Variants in AIMP2 observed in about 807,000 individuals in gnomAD.
The protein encoded by AIMP2 is aminoacyl tRNA synthetase complex interacting multifunctional protein 2, also known as aminoacyl tRNA synthase complex-interacting multifunctional protein 2.
A neutral mutation model predicts 23.4 loss-of-function variants in AIMP2; 20 were observed. The observed-to-expected ratio is 0.85, with a 90% CI of 0.60 to 1.24. The LOEUF (loss-of-function observed/expected upper bound fraction) is 1.24, where lower values mean the gene tolerates loss of function less well. Ranked by LOEUF, AIMP2 falls within the 50% of genes most tolerant of loss-of-function variation. The probability of loss-of-function intolerance (pLI) is 0.00; values close to 1 mark genes in which losing one functional copy is unlikely to be tolerated. For missense variants in AIMP2, 515 were observed against 414.5 expected (o/e 1.24, Z -2.10); for synonymous variants, 210 against 170.4 (o/e 1.23, Z -1.81).
In AIMP2 at chr7:6,014,999, C is replaced by T. The variant is rs1171362365; in HGVS notation, c.136-147C>T. Reference sequence around the variant, plus strand: ...CCTCCCGAAGTGCTGGGATTACAGGCGTGAGCCACCACACCCAGCCCATAA... The same window carrying T: ...CCTCCCGAAGTGCTGGGATTACAGGTGTGAGCCACCACACCCAGCCCATAA... On this transcript the variant is annotated intron_variant, in intron 1 of 3. Transcript: ENST00000223029. 6.0e-6 allele frequency: 9 copies of T among 1,494,274 alleles called. No homozygotes were observed. In the African/African-American group the frequency reaches 8.3e-5, roughly 14 times the overall value. The allele number at this position is 1,494,274 out of a possible 1,614,324, so 92.6% of individuals were successfully genotyped here.
rs777224660 is a variant in AIMP2, at chr7:6,009,425, C to T, written c.62C>T (p.Pro21Leu). Reference sequence around the variant, plus strand: ...GGCGCGCCTCTCCGTGTGGAGCTTCCCACCTGCATGTACCGGCTCCCCAAC... The same window carrying T: ...GGCGCGCCTCTCCGTGTGGAGCTTCTCACCTGCATGTACCGGCTCCCCAAC... The part of the protein sequence containing the change: ...GGGAPLRVEL[P>L]TCMYRLPNVH... The change falls in exon 1 of 4, where the codon CCC becomes CTC. Residue 21 changes from proline to leucine, a missense_variant. Coordinates refer to ENST00000223029, the MANE Select transcript of AIMP2 (RefSeq NM_006303.4). The T allele has an allele frequency of 6.2e-7, 1 of 1,611,454 alleles. No individual in the cohort carries two copies. The highest frequency in any genetic ancestry group is 1.3e-5 in the African/African-American group (1 of 74,998).
chr7:6,013,893 G>A (rs933414895), intron 1 of AIMP2, among the ~76,000 whole-genome samples: 4 of 150,606 alleles, frequency 2.7e-5, no homozygotes, highest in Admixed American at 2.0e-4. Context: ...CAAGGCTGCA[G>A]TGGGCCATGA....
In AIMP2 at chr7:6,009,468, C is replaced by A. The variant is rs529613640; in HGVS notation, c.105C>A (p.Tyr35Ter). The A allele has an allele frequency of 2.5e-6, 4 of 1,590,062 alleles. No individual in the cohort carries two copies. In the South Asian group the frequency reaches 3.4e-5, roughly 13 times the overall value. The change falls in exon 1 of 4, where the codon TAC becomes TAA. Residue 35 changes from tyrosine to a stop codon, truncating the protein, a stop_gained. Transcript: ENST00000223029. LOFTEE classifies it high-confidence loss of function. ...YRLPNVHGRS[Y>*]GPAPGAGHVQ... is the part of the protein sequence containing the mutation. ...TCCCCAACGTGCACGGCAGGAGCTA[C>A]GGCCCAGCGCCGGGCGCTGGCCACG...
rs753779282 is a variant in AIMP2, at chr7:6,023,339, T to C, written c.611T>C (p.Met204Thr). Residue 204 changes from methionine to threonine, a missense_variant, in exon 4 of 4, where the codon ATG becomes ACG. Met to Thr is a moderately conservative substitution (Grantham distance 81). Coordinates refer to ENST00000223029, the MANE Select transcript of AIMP2 (RefSeq NM_006303.4). ...KTQMKFSIQT[M>T]CPIEGEGNIA... ...CAGATGAAATTCAGCATCCAGACGATGTGCCCCATCGAAGGCGAAGGGAAC... is the reference window on the plus strand; with the variant it reads ...CAGATGAAATTCAGCATCCAGACGACGTGCCCCATCGAAGGCGAAGGGAAC... The C allele has an allele frequency of 9.3e-6, 15 of 1,609,646 alleles. No homozygotes were observed. Among genetic ancestry groups the C allele is most frequent in the Non-Finnish European group, 1.3e-5 (15 of 1,178,704 alleles).
intron 1 of AIMP2, among the ~76,000 whole-genome samples, chr7:6,011,282 C>T (rs986266821): frequency 6.6e-6 from 1 of 152,200 alleles, no homozygotes; most frequent in Admixed American, 6.5e-5. Flanking sequence ...GCTCACCGCT[C>T]ACCAGCAGGG....
In AIMP2 at chr7:6,023,813, A is replaced by T. The variant is rs1787653837; in HGVS notation, c.*122A>T. ...TTATTTAGGCCAGTTGTCAAGTGTC[A>T]ATAAAAGCATCATGTAATTTATGGT... On this transcript the variant is annotated 3_prime_UTR_variant, in exon 4 of 4. Coordinates refer to ENST00000223029, the MANE Select transcript of AIMP2 (RefSeq NM_006303.4). The T allele has an allele frequency of 1.7e-5, 26 of 1,575,062 alleles. No homozygotes were observed. The highest frequency in any genetic ancestry group is 2.2e-5 in the Non-Finnish European group (25 of 1,159,074).
chr7:6,013,844 A>G (rs1488494945), intron 1 of AIMP2, among the ~76,000 whole-genome samples: 1 of 152,022 alleles, frequency 6.6e-6, no homozygotes, highest in Admixed American at 6.6e-5. Context: ...CCAGGCACTC[A>G]GGAGACTAAG....
chr7:6,020,363 G>A (rs1209422871), intron 3 of AIMP2, among the ~76,000 whole-genome samples: 5 of 151,720 alleles, frequency 3.3e-5, no homozygotes, highest in East Asian at 1.9e-4. Context: ...GGAGGTTGCC[G>A]TGAGCCGAGA....
chr7:6,017,377 G>C (rs961998973), intron 2 of AIMP2, among the ~76,000 whole-genome samples: 1 of 151,858 alleles, frequency 6.6e-6, no homozygotes, highest in Non-Finnish European at 1.5e-5. Flanking sequence ...AAAAAAATTA[G>C]CTGGGCATGG....
At chr7:6,014,249 GCT>G (rs1491339989) in intron 1 of AIMP2, among the ~76,000 whole-genome samples, 12 of 109,942 alleles carry the variant, frequency 1.1e-4, no homozygotes, top group African/African-American at 3.2e-4. Context: ...ATTTGTTGAA[GCT>G]TTTTTTTTTT....
chr7:6,011,222 C>A (rs991883126), intron 1 of AIMP2, among the ~76,000 whole-genome samples: 1 of 152,150 alleles, frequency 6.6e-6, no homozygotes, highest in Non-Finnish European at 1.5e-5. Flanking sequence ...GCCCGCCTGG[C>A]TTTCCACTCT....
intron 2 of AIMP2, 62 bp from the exon 3 acceptor site, chr7:6,017,752 C>G: frequency 6.8e-7 from 1 of 1,461,590 alleles, no homozygotes; most frequent in Non-Finnish European, 9.3e-7. Context: ...CTTAGACTCG[C>G]GCCCGGCACA....
At chr7:6,021,380 C>G (rs1321246576) in intron 3 of AIMP2, among the ~76,000 whole-genome samples, 3 of 148,940 alleles carry the variant, frequency 2.0e-5, no homozygotes, top group Admixed American at 1.3e-4. Context: ...ATTAGAACAT[C>G]TTGAAGAGTC....
rs61735883 is a variant in AIMP2 at position 6,017,933 on chromosome 7, G to A, written c.462G>A (p.Thr154=). The A allele has an allele frequency of 5.0e-6, 8 of 1,613,836 alleles. No homozygotes were observed. The highest frequency in any genetic ancestry group is 5.9e-6 in the Non-Finnish European group (7 of 1,180,026). Residue 154 remains threonine (T), a synonymous_variant, in exon 3 of 4, where the codon ACG becomes ACA. Transcript: ENST00000223029. ...EHFRVLSTVH[T]HSSVKSVPEN... is the part of the protein sequence containing the mutation. ...TCAGGGTCCTGTCCACGGTGCACAC[G>A]CACTCCTCGGTCAAGAGCGTGCCTG...
chr7:6,022,928 G>T (rs1389487172), intron 3 of AIMP2: 3 of 205,940 alleles, frequency 1.5e-5, no homozygotes, highest in Non-Finnish European at 2.9e-5. Flanking sequence ...TATCTTAATT[G>T]CCCTCAGTCT....
rs371044703 is a variant in AIMP2 at position 6,009,388 on chromosome 7, T to C, written c.25T>C (p.Tyr9His). 2 of 1,611,612 alleles carry C rather than the reference T, an allele frequency of 1.2e-6. No individual in the cohort carries two copies. Among genetic ancestry groups the C allele is most frequent in the Non-Finnish European group, 1.7e-6 (2 of 1,180,008 alleles). The change falls in exon 1 of 4, where the codon TAT becomes CAT. Residue 9 changes from tyrosine to histidine, a missense_variant. By Grantham distance (83) the Tyr-to-His change is moderately conservative. Coordinates refer to ENST00000223029, the MANE Select transcript of AIMP2 (RefSeq NM_006303.4). ...CATGCCGATGTACCAGGTAAAGCCC[T>C]ATCACGGGGGCGGCGCGCCTCTCCG... Reference protein sequence around the residue: MPMYQVKPYHGGGAPLRVE... With the variant: MPMYQVKPHHGGGAPLRVE...
intron 1 of AIMP2, among the ~76,000 whole-genome samples, chr7:6,013,944 C>G (rs1419156301): frequency 7.0e-6 from 1 of 143,196 alleles, no homozygotes; most frequent in African/African-American, 2.5e-5. Flanking sequence ...GAGTGAGACC[C>G]TGTCTCCAGG....
At chr7:6,017,333 T>C (rs745487663) in intron 2 of AIMP2, among the ~76,000 whole-genome samples, 9 of 151,136 alleles carry the variant, frequency 6.0e-5, no homozygotes, top group Non-Finnish European at 1.2e-4. Flanking sequence ...CTGGGCAACA[T>C]GGCAAAACCC....
At chr7:6,023,150 TAGAGAC>T (rs1787556439) in intron 3 of AIMP2, 147 bp from the exon 4 acceptor site, 1 of 898,346 alleles carries the variant, frequency 1.1e-6, no homozygotes, top group African/African-American at 1.7e-5. Flanking sequence ...GTAAGCATCT[TAGAGAC>T]AGACTGAAAA....
Sources: gnomAD v4.1 joint callset for allele counts (sites outside exome capture counted in the v4.1 genomes callset) on GRCh38, gnomAD v4.1.1 for gene constraint, MANE v1.5 for transcripts, NCBI Gene and HGNC (gene_info 2026-07-23, HGNC 2026-07-21) for gene names.